RELN: variants seen among roughly 807,000 people sequenced by gnomAD.
RELN encodes the protein reelin.
A neutral mutation model predicts 427.6 loss-of-function variants in RELN; 108 were observed. The ratio of observed to expected loss-of-function variants is 0.25; its 90% CI spans 0.22 to 0.30. RELN has a LOEUF of 0.30. RELN is among the 10% of genes least tolerant of loss of function. The probability of loss-of-function intolerance (pLI) is 1.00; values close to 1 mark genes in which losing one functional copy is unlikely to be tolerated. For synonymous variants in RELN, 1,524 were observed against 1,513.4 expected (o/e 1.01, Z -0.16); for missense variants, 3,715 against 4,302.8 (o/e 0.86, Z 3.82).
chr7:103,723,012 T>C, intron 8 of RELN, 128 bp downstream of exon 8: 1 of 667,004 alleles, frequency 1.5e-6, no homozygotes, highest in South Asian at 1.7e-5. Flanking sequence ...TTGTAGATTA[T>C]TTACTGCAAA....
In RELN at chr7:103,551,437, CCTTA is replaced by C. The variant is rs1425656981; in HGVS notation, c.6073-145_6073-142del. On this transcript the variant is annotated intron_variant, in intron 40 of 64. Coordinates refer to ENST00000428762, the MANE Select transcript of RELN (RefSeq NM_005045.4). Reference sequence around the variant, plus strand: ...TTTAATACTATAAAATTATGTTTTGCCTTACTGAGTAATATTGTATATTACCTTG... The same window carrying C: ...TTTAATACTATAAAATTATGTTTTGCCTGAGTAATATTGTATATTACCTTG... The C allele has an allele frequency of 2.9e-5, 21 of 714,456 alleles. No individual in the cohort carries two copies. In the African/African-American group the frequency reaches 3.0e-4, roughly 10 times the overall value. 44.3% of individuals were successfully genotyped at this position (714,456 alleles called of 1,614,324 possible).
At chr7:103,916,466 T>C (rs1795484233) in intron 2 of RELN, among the ~76,000 whole-genome samples, 1 of 152,148 alleles carries the variant, frequency 6.6e-6, no homozygotes, top group Non-Finnish European at 1.5e-5. Context: ...AACAGCATTA[T>C]GGGTAAACTA....
At chr7:103,879,784 T>C (rs557020447) in intron 2 of RELN, among the ~76,000 whole-genome samples, 21 of 152,320 alleles carry the variant, frequency 1.4e-4, no homozygotes, top group South Asian at 8.3e-4. Flanking sequence ...CACAGGCCAG[T>C]TTTCTTTAGG....
chr7:103,664,105 A>G (rs1224563633), intron 11 of RELN, among the ~76,000 whole-genome samples: 1 of 152,226 alleles, frequency 6.6e-6, no homozygotes, highest in Non-Finnish European at 1.5e-5. Flanking sequence ...ACACGTATTT[A>G]TAGCACACCA....
At chr7:103,499,911 A>G (rs905487294) in intron 53 of RELN, among the ~76,000 whole-genome samples, 1 of 152,218 alleles carries the variant, frequency 6.6e-6, no homozygotes, top group Non-Finnish European at 1.5e-5. Context: ...TTCATGTGGT[A>G]ACCTCATTTG....
rs529446022 is a variant in RELN at position 103,555,132 on chromosome 7, C to G, written c.5798-1301G>C. Among the ~76,000 whole-genome samples, 4 of 151,990 alleles carry G rather than the reference C, an allele frequency of 2.6e-5. No individual in the cohort carries two copies. In the South Asian group the frequency reaches 8.3e-4, roughly 32 times the overall value. ...TAGTATTTGATTCAGTGATTTAGACCAGGTGTTTAAGGAATATGTTAGAGT... is the reference window on the plus strand; with the variant it reads ...TAGTATTTGATTCAGTGATTTAGACGAGGTGTTTAAGGAATATGTTAGAGT... On this transcript the variant is annotated intron_variant, in intron 38 of 64. Coordinates refer to ENST00000428762, the MANE Select transcript of RELN (RefSeq NM_005045.4).
intron 2 of RELN, among the ~76,000 whole-genome samples, chr7:103,913,993 CAA>C (rs1795426755): frequency 6.6e-6 from 1 of 152,130 alleles, no homozygotes; most frequent in South Asian, 2.1e-4. Flanking sequence ...TGCCCAAGCT[CAA>C]AAGTGTCTTT....
chr7:103,603,231 G>T lies in RELN; in HGVS notation c.3333+73C>A. 1.6e-6 allele frequency: 2 copies of T among 1,228,276 alleles called. No individual in the cohort carries two copies. The highest frequency in any genetic ancestry group is 1.5e-5 in the African/African-American group (1 of 67,454). 76.1% of individuals were successfully genotyped at this position (1,228,276 alleles called of 1,614,324 possible). On this transcript the variant is annotated intron_variant, in intron 24 of 64. Coordinates refer to ENST00000428762, the MANE Select transcript of RELN (RefSeq NM_005045.4). This position sits in a 1 kb window ranked among gnomAD's most constrained non-coding sequence, Gnocchi z 4.3. ...GGAACAATAGAACCACTTCATATTT[G>T]TACATTTGGAATTCAGAGTCTCATA...
chr7:103,510,904 A>G lies in RELN; in HGVS notation c.8221T>C (p.Tyr2741His). 1.1e-5 allele frequency: 17 copies of G among 1,613,428 alleles called. No homozygotes were observed. The highest frequency in any genetic ancestry group is 1.4e-5 in the Non-Finnish European group (17 of 1,179,428). The change falls in exon 51 of 65, where the codon TAT (tyrosine) becomes CAT (histidine). Residue 2741 changes from tyrosine to histidine, a missense_variant. Physicochemically the swap from Tyr to His is moderately conservative, Grantham distance 83. Around this residue, in one of 4 missense-constraint regions of RELN, gnomAD observed 1,310 missense variants for 1,643.0 expected, o/e 0.80. Coordinates refer to ENST00000428762, the MANE Select transcript of RELN (RefSeq NM_005045.4). ...GGAGTCAGGTCATGGGTCACTGCATACACCTCCCGTCCATCATGACTGCCA... is the reference window on the plus strand; with the variant it reads ...GGAGTCAGGTCATGGGTCACTGCATGCACCTCCCGTCCATCATGACTGCCA... Reference protein sequence around the residue: ...LCGSHDGREVYAVTHDLTPTE... With the variant: ...LCGSHDGREVHAVTHDLTPTE...
chr7:103,535,718 G>C (rs1264739317), intron 45 of RELN, among the ~76,000 whole-genome samples: 1 of 82,138 alleles, frequency 1.2e-5, no homozygotes. Flanking sequence ...ATATGATCAA[G>C]TGAAACATAA....
intron 20 of RELN, among the ~76,000 whole-genome samples, chr7:103,623,214 A>G (rs1832257107): frequency 6.6e-6 from 1 of 152,200 alleles, no homozygotes; most frequent in Non-Finnish European, 1.5e-5. Context: ...ACAATCATTT[A>G]CTGTGAAATG....
intron 25 of RELN, 87 bp from the exon 26 acceptor site, chr7:103,594,579 A>G (rs1242873538): frequency 1.0e-5 from 14 of 1,401,930 alleles, no homozygotes; most frequent in Non-Finnish European, 1.4e-5. Context: ...GGTAACAACA[A>G]GAGAAAAGTT....
At chr7:103,584,713 C>T (rs574778392) in intron 28 of RELN, among the ~76,000 whole-genome samples, 1 of 152,224 alleles carries the variant, frequency 6.6e-6, no homozygotes, top group African/African-American at 2.4e-5. Flanking sequence ...GCCAAATGGA[C>T]ATAACAGACA....
intron 7 of RELN, among the ~76,000 whole-genome samples, chr7:103,726,400 T>C (rs1473417007): frequency 1.3e-5 from 2 of 152,136 alleles, no homozygotes; most frequent in Non-Finnish European, 2.9e-5. Context: ...AAAAACTACA[T>C]ACTTTCTTAT....
intron 8 of RELN, among the ~76,000 whole-genome samples, chr7:103,717,998 G>T (rs1394901980): frequency 6.6e-6 from 1 of 152,076 alleles, no homozygotes; most frequent in Non-Finnish European, 1.5e-5. Flanking sequence ...CTTTTCTTAT[G>T]CTAAATGAAA....
At chr7:103,751,217 T>C (rs777806155) in intron 5 of RELN, among the ~76,000 whole-genome samples, 2 of 152,198 alleles carry the variant, frequency 1.3e-5, no homozygotes, top group Non-Finnish European at 1.5e-5. Flanking sequence ...TAAAATAATA[T>C]CTGATTAACA....
At chr7:103,714,166 C>T (rs1045432231) in intron 8 of RELN, among the ~76,000 whole-genome samples, 2 of 152,104 alleles carry the variant, frequency 1.3e-5, no homozygotes, top group African/African-American at 2.4e-5. Flanking sequence ...TGCTATATAA[C>T]ATTTTATGTA....
At chr7:103,515,993 A>G (rs1562866067) in intron 49 of RELN, among the ~76,000 whole-genome samples, 1 of 152,096 alleles carries the variant, frequency 6.6e-6, no homozygotes, top group South Asian at 2.1e-4. Context: ...TGCTTTGTTG[A>G]AAATATTTAA....
chr7:103,803,516 C>T (rs1280260883), intron 3 of RELN, among the ~76,000 whole-genome samples: 1 of 152,060 alleles, frequency 6.6e-6, no homozygotes, highest in African/African-American at 2.4e-5. Context: ...GACACTAACT[C>T]CATGACTACC....
Sources: allele counts gnomAD v4.1 joint callset (sites outside exome capture counted in the v4.1 genomes callset), GRCh38; gene constraint gnomAD v4.1.1; regional missense constraint gnomAD v4.1.1; non-coding constraint Gnocchi (gnomAD v3.1); transcripts MANE v1.5; gene names NCBI Gene and HGNC (gene_info 2026-07-23, HGNC 2026-07-21).